The following ZBTB16 variants were observed in gnomAD, a reference collection of about 807,000 sequenced individuals.
The protein encoded by ZBTB16 is zinc finger and BTB domain-containing protein 16.
In ZBTB16, 8 loss-of-function variants were observed where a neutral mutation model predicts 56.8. That is an observed-to-expected ratio of 0.14 (90% CI 0.08 to 0.25). The LOEUF is 0.25. ZBTB16 is among the 10% of genes least tolerant of loss of function. ZBTB16 has a pLI of 1.00. For missense variants in ZBTB16, 625 were observed against 903.0 expected, an observed-to-expected ratio of 0.69 and a Z score of 3.95; for synonymous variants, 363 against 368.5, an observed-to-expected ratio of 0.98 and a Z score of 0.17.
rs758095993 is a variant in ZBTB16, at chr11:114,187,011, C to T, written c.1426C>T (p.Leu476=). ...TGCACAGTTTTCGAAGGAGGATGCC[C>T]TGGAGACACACAGGCAGACCCATAC... ...CGAQFSKEDA[L]ETHRQTHTGT... Residue 476 remains leucine (L), a synonymous_variant, in exon 4 of 7, where the codon CTG becomes TTG. Transcript: ENST00000335953. The T allele has an allele frequency of 6.2e-7, 1 of 1,614,102 alleles. No homozygotes were observed. The highest frequency in any genetic ancestry group is 8.5e-7 in the Non-Finnish European group (1 of 1,180,026).
chr11:114,160,974 C>G (rs1221491606), intron 3 of ZBTB16, among the ~76,000 whole-genome samples: 1 of 152,152 alleles, frequency 6.6e-6, no homozygotes, highest in African/African-American at 2.4e-5. Flanking sequence ...CCTTCCCCTT[C>G]CTGTGTCCCA....
intron 4 of ZBTB16, among the ~76,000 whole-genome samples, chr11:114,197,951 C>G (rs1309319896): frequency 3.3e-5 from 5 of 151,978 alleles, no homozygotes; most frequent in African/African-American, 1.2e-4. Flanking sequence ...AACAGCCTCC[C>G]AGTGGCTGGT....
rs963591597 is a variant in ZBTB16 at position 114,251,923 on chromosome 11, C to T, written c.*1368C>T. Among the ~76,000 whole-genome samples the T allele has an allele frequency of 6.6e-6, 1 of 152,092 alleles. No individual in the cohort carries two copies. Among genetic ancestry groups the T allele is most frequent in the African/African-American group, 2.4e-5 (1 of 41,406 alleles). On this transcript the variant is annotated 3_prime_UTR_variant, in exon 7 of 7. Coordinates refer to ENST00000335953, the MANE Select transcript of ZBTB16 (RefSeq NM_006006.6). Reference sequence around the variant, plus strand: ...TTTCTTAACCTCTGTATCTCTTTTTCGGTTGGGGCTTGGAGGAATGGGGAG... The same window carrying T: ...TTTCTTAACCTCTGTATCTCTTTTTTGGTTGGGGCTTGGAGGAATGGGGAG...
At chr11:114,162,716 G>A (rs1942624415) in intron 3 of ZBTB16, among the ~76,000 whole-genome samples, 1 of 152,202 alleles carries the variant, frequency 6.6e-6, no homozygotes, top group South Asian at 2.1e-4. Flanking sequence ...TTATGTGGGG[G>A]CGCCTTTGGT....
At chr11:114,099,935 T>C (rs1378112979) in intron 2 of ZBTB16, among the ~76,000 whole-genome samples, 1 of 152,218 alleles carries the variant, frequency 6.6e-6, no homozygotes, top group African/African-American at 2.4e-5. Context: ...GGTGTCTGTC[T>C]TTCTCAACCC....
chr11:114,095,503 G>T lies in ZBTB16; in HGVS notation c.1268+30935G>T, dbSNP rs534765731. On this transcript the variant is annotated intron_variant, in intron 2 of 6. Transcript: ENST00000335953. ...TCACAATCTCCTGACCTCGTGGTCC[G>T]CCCGCCTTGGCCTCCCACAGTGCTG... 3.3e-5 allele frequency among the ~76,000 whole-genome samples: 5 copies of T among 152,040 alleles called. No individual in the cohort carries two copies. In the South Asian group the frequency reaches 1.0e-3, roughly 32 times the overall value.
At chr11:114,097,751 A>G (rs1007154898) in intron 2 of ZBTB16, among the ~76,000 whole-genome samples, 1 of 152,184 alleles carries the variant, frequency 6.6e-6, no homozygotes, top group Non-Finnish European at 1.5e-5. Flanking sequence ...ATGTGATTCT[A>G]GAAAAATCTC....
At chr11:114,134,296 A>G (rs900324770) in intron 2 of ZBTB16, among the ~76,000 whole-genome samples, 44 of 152,162 alleles carry the variant, frequency 2.9e-4, no homozygotes, top group African/African-American at 1.0e-3. Context: ...CTCTGGTTGC[A>G]TTGCTGCCAA....
At chr11:114,099,404 T>C (rs1940529470) in intron 2 of ZBTB16, among the ~76,000 whole-genome samples, 1 of 151,990 alleles carries the variant, frequency 6.6e-6, no homozygotes, top group Non-Finnish European at 1.5e-5. Context: ...AGGAGTGTAG[T>C]TTATAATAAG....
At chr11:114,181,871 G>A (rs1007021672) in intron 3 of ZBTB16, among the ~76,000 whole-genome samples, 4 of 152,066 alleles carry the variant, frequency 2.6e-5, no homozygotes, top group African/African-American at 9.7e-5. Flanking sequence ...CCACCTCCAT[G>A]TCACTCCATC....
chr11:114,090,406 C>T (rs1940141816), intron 2 of ZBTB16, among the ~76,000 whole-genome samples: 1 of 152,180 alleles, frequency 6.6e-6, no homozygotes, highest in South Asian at 2.1e-4. Context: ...TGAGTTGAGG[C>T]CTTGTCTGGC....
intron 2 of ZBTB16, among the ~76,000 whole-genome samples, chr11:114,110,394 A>G (rs1402272997): frequency 6.6e-6 from 1 of 152,152 alleles, no homozygotes; most frequent in Non-Finnish European, 1.5e-5. Flanking sequence ...GGGAATCTAG[A>G]AATACTCCAG....
At chr11:114,241,271 G>T (rs1392247612) in intron 4 of ZBTB16, among the ~76,000 whole-genome samples, 1 of 151,866 alleles carries the variant, frequency 6.6e-6, no homozygotes, top group African/African-American at 2.4e-5. Context: ...AGCTAGTCTT[G>T]GGAAAGCATT....
chr11:114,075,966 T>C (rs933397474), intron 2 of ZBTB16, among the ~76,000 whole-genome samples: 3 of 152,186 alleles, frequency 2.0e-5, no homozygotes, highest in African/African-American at 4.8e-5. Context: ...GACCTCATTC[T>C]TGAGGGGAAC....
At chr11:114,235,623 T>C (rs891686994) in intron 4 of ZBTB16, among the ~76,000 whole-genome samples, 14 of 50,352 alleles carry the variant, frequency 2.8e-4, no homozygotes, top group African/African-American at 7.4e-4. Flanking sequence ...TCTTTCCCTC[T>C]CCCTTCCTTT....
intron 2 of ZBTB16, among the ~76,000 whole-genome samples, chr11:114,150,789 A>G (rs1942260351): frequency 6.6e-6 from 1 of 152,216 alleles, no homozygotes; most frequent in Non-Finnish European, 1.5e-5. Context: ...GAATGAGGCT[A>G]GGGCAAGGTT....
chr11:114,167,584 C>A (rs1048223473), intron 3 of ZBTB16, among the ~76,000 whole-genome samples: 3 of 151,978 alleles, frequency 2.0e-5, no homozygotes, highest in African/African-American at 7.2e-5. Flanking sequence ...GCATAAATGT[C>A]CTTGGCCGTC....
Position 114,064,598 on chromosome 11 carries a change from G to A in ZBTB16, c.1268+30G>A, listed in dbSNP as rs754510365. ...GCCCCGCTCCAGCCCCGCACCTGAT[G>A]TAGGACTTGAGGCCCTCACACCCCT... On this transcript the variant is annotated intron_variant, in intron 2 of 6. Coordinates refer to ENST00000335953, the MANE Select transcript of ZBTB16 (RefSeq NM_006006.6). This position sits in a 1 kb window ranked among gnomAD's most constrained non-coding sequence, Gnocchi z 4.2. 6.8e-6 allele frequency: 11 copies of A among 1,611,498 alleles called. No individual in the cohort carries two copies. The South Asian group carries it at 8.8e-5, about 13-fold the overall frequency.
chr11:114,099,615 T>C (rs990371306), intron 2 of ZBTB16, among the ~76,000 whole-genome samples: 21 of 152,126 alleles, frequency 1.4e-4, no homozygotes, highest in Non-Finnish European at 1.9e-4. Flanking sequence ...TAAAGCTGTG[T>C]GGTGTCAGCT....
Sources: gnomAD v4.1 joint callset for allele counts (sites outside exome capture counted in the v4.1 genomes callset) on GRCh38, gnomAD v4.1.1 for gene constraint, Gnocchi (gnomAD v3.1) non-coding constraint, MANE v1.5 for transcripts, NCBI Gene and HGNC (gene_info 2026-07-23, HGNC 2026-07-21) for gene names.